The following FOXK2 variants were observed in gnomAD, a reference collection of about 807,000 sequenced individuals.
FOXK2 encodes the protein forkhead box protein K2.
FOXK2 carries 24 observed loss-of-function variants against 53.3 expected under a neutral mutation model. That is an observed-to-expected ratio of 0.45 (90% CI 0.33 to 0.63). The LOEUF is 0.63. Among genes scored for constraint, FOXK2 ranks in the 30% least tolerant of loss-of-function variants. The pLI is 0.03. For synonymous variants in FOXK2, 505 were observed against 407.1 expected, an observed-to-expected ratio of 1.24 and a Z score of -2.89; for missense variants, 952 against 910.5, an observed-to-expected ratio of 1.05 and a Z score of -0.59.
At chr17:82,522,725 A>G (rs2044376254) in intron 1 of FOXK2, among the ~76,000 whole-genome samples, 2 of 152,044 alleles carry the variant, frequency 1.3e-5, no homozygotes, top group Admixed American at 1.3e-4. Context: ...AACGATTTGT[A>G]TTGAATTGAA....
chr17:82,558,576 A>T (rs1234549668), intron 1 of FOXK2, among the ~76,000 whole-genome samples: 1 of 152,132 alleles, frequency 6.6e-6, no homozygotes, highest in Non-Finnish European at 1.5e-5. Flanking sequence ...GGAGGAAGAG[A>T]TCGCCTCTTT....
chr17:82,547,166 TACA>T (rs1368455465), intron 1 of FOXK2, among the ~76,000 whole-genome samples: 1 of 152,112 alleles, frequency 6.6e-6, no homozygotes, highest in African/African-American at 2.4e-5. Flanking sequence ...ATTTTAAAGC[TACA>T]ACCTTAAGCA....
At chr17:82,520,525 GCC>G (rs61108007) in intron 1 of FOXK2, among the ~76,000 whole-genome samples, 1 of 152,046 alleles carries the variant, frequency 6.6e-6, no homozygotes, top group Non-Finnish European at 1.5e-5. Flanking sequence ...GGCAGGTGCA[GCC>G]CCCCGTCTTT....
At chr17:82,552,004 C>G (rs1567971401) in intron 1 of FOXK2, among the ~76,000 whole-genome samples, 1 of 152,088 alleles carries the variant, frequency 6.6e-6, no homozygotes, top group East Asian at 1.9e-4. Flanking sequence ...AGCCTTGGGC[C>G]CTGGGCTCCC....
intron 1 of FOXK2, among the ~76,000 whole-genome samples, chr17:82,546,672 TG>T (rs2044628619): frequency 6.6e-6 from 1 of 152,078 alleles, no homozygotes; most frequent in South Asian, 2.1e-4. Context: ...CTCACCATGT[TG>T]CCCAGGCTGG....
chr17:82,598,125 T>C (rs1209202419), intron 8 of FOXK2, among the ~76,000 whole-genome samples: 3 of 146,084 alleles, frequency 2.1e-5, no homozygotes, highest in African/African-American at 4.9e-5. Flanking sequence ...TTTGAAACCG[T>C]ATTGTTGACT....
chr17:82,539,138 G>A (rs1389196256), intron 1 of FOXK2, among the ~76,000 whole-genome samples: 2 of 150,160 alleles, frequency 1.3e-5, no homozygotes, highest in African/African-American at 2.5e-5. Flanking sequence ...GCACTGTAAG[G>A]TGGCCGGGCG....
chr17:82,597,086 C>T (rs559555912), intron 8 of FOXK2, among the ~76,000 whole-genome samples: 215 of 152,292 alleles, frequency 1.4e-3, no homozygotes, highest in African/African-American at 3.8e-3. Flanking sequence ...CCAGGCCCCA[C>T]GCGCTAAGCC....
intron 4 of FOXK2, among the ~76,000 whole-genome samples, chr17:82,575,093 TTTC>T (rs906368420): frequency 6.6e-6 from 1 of 152,218 alleles, no homozygotes. Context: ...TACTATGCTT[TTTC>T]TTCTTTCTAG....
rs924582731 is a variant in FOXK2, at chr17:82,522,041, C to CTTTT, written c.419+1755_419+1758dup. ...TCCTAATGGCTACCCTTTAATCTGA[C>CTTTT]TTTTTTTTTTTTTTTTTTTTTTTTA... On this transcript the variant is annotated intron_variant, in intron 1 of 8. Coordinates refer to ENST00000335255, the MANE Select transcript of FOXK2 (RefSeq NM_004514.4). Among the ~76,000 whole-genome samples the CTTTT allele has an allele frequency of 1.1e-3, 120 of 107,240 alleles. 1 individual carries two copies. Among genetic ancestry groups the CTTTT allele is most frequent in the Middle Eastern group, 6.3e-3 (1 of 158 alleles). 70.4% of individuals were successfully genotyped at this position (107,240 alleles called of 152,430 possible). A position where few individuals can be genotyped will look rare whatever the true frequency, so the allele number is the denominator to read the frequency against.
intron 3 of FOXK2, among the ~76,000 whole-genome samples, chr17:82,569,539 C>T (rs942426223): frequency 6.6e-6 from 1 of 152,158 alleles, no homozygotes; most frequent in African/African-American, 2.4e-5. Context: ...GTCTCTTGAC[C>T]TAGTATACTG....
intron 5 of FOXK2, among the ~76,000 whole-genome samples, chr17:82,583,674 G>T (rs905502336): frequency 7.2e-5 from 11 of 151,888 alleles, no homozygotes; most frequent in Non-Finnish European, 1.5e-4. Context: ...AAAAATGAGC[G>T]TAACGTAAGT....
chr17:82,526,836 A>G (rs910360522), intron 1 of FOXK2, among the ~76,000 whole-genome samples: 3 of 151,990 alleles, frequency 2.0e-5, no homozygotes, highest in Non-Finnish European at 4.4e-5. Flanking sequence ...GTCTCAAAAA[A>G]AAAAAAAAAA....
At position 82,595,931 on chromosome 17, in the gene FOXK2, G is replaced by A. The variant is rs377239513; in HGVS notation, c.1787-5372G>A. ...CAGCCCGGAACCTGGGATGAGAAAC[G>A]ACAGGTGGAAGGTTGTCCAGAGACA... On this transcript the variant is annotated intron_variant, in intron 8 of 8. Transcript: ENST00000335255. 7.2e-5 allele frequency: 91 copies of A among 1,264,802 alleles called. No individual in the cohort carries two copies. In the African/African-American group the frequency reaches 1.1e-3, roughly 15 times the overall value. The allele number at this position is 1,264,802 out of a possible 1,614,324, so 78.3% of individuals were successfully genotyped here. A position where few individuals can be genotyped will look rare whatever the true frequency, so the allele number is the denominator to read the frequency against.
At chr17:82,556,405 T>C (rs1311138304) in intron 1 of FOXK2, among the ~76,000 whole-genome samples, 2 of 151,658 alleles carry the variant, frequency 1.3e-5, no homozygotes, top group Non-Finnish European at 2.9e-5. Flanking sequence ...GATTGTTCCA[T>C]TGCACTCCAG....
At chr17:82,598,283 C>T (rs1397542709) in intron 8 of FOXK2, among the ~76,000 whole-genome samples, 5 of 151,920 alleles carry the variant, frequency 3.3e-5, no homozygotes, top group South Asian at 2.1e-4. Flanking sequence ...TTTATAGAGA[C>T]GGGGTCTTGC....
At chr17:82,573,978 A>G (rs996165777) in intron 4 of FOXK2, among the ~76,000 whole-genome samples, 15 of 152,230 alleles carry the variant, frequency 9.9e-5, no homozygotes, top group Non-Finnish European at 2.1e-4. Context: ...CCTTGGAGCA[A>G]GGCTCTCCTG....
At chr17:82,587,354 CTG>C (rs1172590593) in intron 8 of FOXK2, 82 bp downstream of exon 8, 4 of 1,094,994 alleles carry the variant, frequency 3.7e-6, no homozygotes, top group South Asian at 2.6e-5. Flanking sequence ...TCGGTTCTGA[CTG>C]TAACAATTTT....
intron 8 of FOXK2, among the ~76,000 whole-genome samples, chr17:82,598,510 TA>T (rs2045343303): frequency 6.6e-6 from 1 of 152,208 alleles, no homozygotes; most frequent in African/African-American, 2.4e-5. Context: ...TGGAAGACTT[TA>T]GCATGAACAG....
Sources: gnomAD v4.1 joint callset for allele counts (sites outside exome capture counted in the v4.1 genomes callset) on GRCh38, gnomAD v4.1.1 for gene constraint, MANE v1.5 for transcripts, NCBI Gene and HGNC (gene_info 2026-07-23, HGNC 2026-07-21) for gene names.